ABCA9: variants seen among roughly 807,000 people sequenced by gnomAD.
The protein encoded by ABCA9 is ATP-binding cassette sub-family A member 9.
Under a neutral mutation model 205.3 loss-of-function variants are expected in ABCA9, and 183 were observed. The ratio of observed to expected loss-of-function variants is 0.89; its 90% CI spans 0.79 to 1.01. The LOEUF is 1.01. Ranked by LOEUF, ABCA9 falls within the 50% of genes least tolerant of loss-of-function variation. The pLI is 0.00. For synonymous variants in ABCA9, 651 were observed against 683.3 expected, an observed-to-expected ratio of 0.95 and a Z score of 0.74; for missense variants, 1,805 against 1,912.4, an observed-to-expected ratio of 0.94 and a Z score of 1.05.
chr17:69,013,316 TATG>T (rs1234790207), intron 22 of ABCA9, among the ~76,000 whole-genome samples: 2 of 152,152 alleles, frequency 1.3e-5, no homozygotes, highest in African/African-American at 2.4e-5. Context: ...AGTCATCTGG[TATG>T]ATGAGTTTTG....
Position 69,029,283 on chromosome 17 carries a change from T to C in ABCA9, c.1446-56A>G, listed in dbSNP as rs2071088207. 3.5e-6 allele frequency: 4 copies of C among 1,134,806 alleles called. No individual in the cohort carries two copies. The Admixed American group carries it at 7.1e-5, about 20-fold the overall frequency. 70.3% of individuals were successfully genotyped at this position (1,134,806 alleles called of 1,614,324 possible). On this transcript the variant is annotated intron_variant, in intron 10 of 38. Transcript: ENST00000340001. Reference sequence around the variant, plus strand: ...ATTGTAAAAATGTGCAGAGGATTGATAAGTCAAGTCTTTGAGGCTTAATCA... The same window carrying C: ...ATTGTAAAAATGTGCAGAGGATTGACAAGTCAAGTCTTTGAGGCTTAATCA...
At chr17:69,012,800 C>T (rs2070430013) in intron 22 of ABCA9, among the ~76,000 whole-genome samples, 2 of 151,948 alleles carry the variant, frequency 1.3e-5, no homozygotes, top group East Asian at 3.9e-4. Flanking sequence ...CTAGAGTCAC[C>T]CTGTTGTGCT....
rs1393798267 is a variant in ABCA9 at position 68,976,180 on chromosome 17, A to G, written c.4731T>C (p.Ser1577=). Residue 1577 remains serine (S), a synonymous_variant, in exon 38 of 39, where the codon AGT becomes AGC. Coordinates refer to ENST00000340001, the MANE Select transcript of ABCA9 (RefSeq NM_080283.4). ...AFFKLEIVKQ[S]FDLEEYSLSQ... ...AGAGGCTGTACTCCTCCAGGTCGAA[A>G]CTCTGTTTAACTGCATAAGAATGAG... 2 of 1,613,872 alleles carry G rather than the reference A, an allele frequency of 1.2e-6. No individual in the cohort carries two copies. The highest frequency in any genetic ancestry group is 2.2e-5 in the South Asian group (2 of 91,036).
Position 68,990,837 on chromosome 17 carries a change from C to G in ABCA9, c.3837G>C (p.Glu1279Asp), listed in dbSNP as rs576565979. 1 of 1,609,600 alleles carries G rather than the reference C, an allele frequency of 6.2e-7. No individual in the cohort carries two copies. Among genetic ancestry groups the G allele is most frequent in the Non-Finnish European group, 8.5e-7 (1 of 1,178,990 alleles). ...VNAMAVRDFD[E>D]TPVIIASCLR... ...GACGAAGAACATTTCTGAGTTCTACCTCATCAAAGTCTCGCACAGCCATAG... is the reference window on the plus strand; with the variant it reads ...GACGAAGAACATTTCTGAGTTCTACGTCATCAAAGTCTCGCACAGCCATAG... Residue 1279 changes from glutamate (E) to aspartate (D), a missense_variant and splice_region_variant, in exon 29 of 39, where the codon GAG becomes GAC. Physicochemically the swap from Glu to Asp is conservative, Grantham distance 45 (BLOSUM62 2). Transcript: ENST00000340001.
intron 25 of ABCA9, among the ~76,000 whole-genome samples, chr17:68,999,018 C>T (rs2069734930): frequency 6.6e-6 from 1 of 151,946 alleles, no homozygotes; most frequent in Non-Finnish European, 1.5e-5. Context: ...TTATCTTGGA[C>T]ATGTATAACA....
Position 69,049,946 on chromosome 17 carries a change from AC to A in ABCA9, c.97-457del, listed in dbSNP as rs202059287. On this transcript the variant is annotated intron_variant, in intron 2 of 38. Transcript: ENST00000340001. ...GTCCCAAAATGTTGCTCATAAAAAAACAAAGTTTTTTTGAATGTGGTCATCG... is the reference window on the plus strand; with the variant it reads ...GTCCCAAAATGTTGCTCATAAAAAAAAAAGTTTTTTTGAATGTGGTCATCG... Among the ~76,000 whole-genome samples the A allele has an allele frequency of 8.8e-3, 1,335 of 152,214 alleles. 27 individuals are homozygous for A. The highest frequency in any genetic ancestry group is 0.031 in the African/African-American group (1,279 of 41,552).
At chr17:69,038,688 T>C (rs1598401755) in intron 6 of ABCA9, among the ~76,000 whole-genome samples, 1 of 152,230 alleles carries the variant, frequency 6.6e-6, no homozygotes, top group South Asian at 2.1e-4. Flanking sequence ...ACCACTCCTA[T>C]TCAACATAGT....
Position 69,044,502 on chromosome 17 carries a change from T to C in ABCA9, c.568A>G (p.Ile190Val), listed in dbSNP as rs756332873. The change falls in exon 5 of 39, where the codon ATA becomes GTA. Residue 190 changes from isoleucine (I) to valine (V), a missense_variant. By Grantham distance (29) the Ile-to-Val change is conservative (BLOSUM62 3). Transcript: ENST00000340001. ...AFQAAINAAI[I>V]EIATNHSVME... ...TCCTTTAACTTTATACTCACTTCTA[T>C]GATAGCAGCATTAATGGCAGCTTGA... The C allele has an allele frequency of 5.0e-6, 8 of 1,612,676 alleles. No individual in the cohort carries two copies. The highest frequency in any genetic ancestry group is 2.2e-5 in the East Asian group (1 of 44,778).
chr17:69,048,006 C>T (rs1269158114), intron 3 of ABCA9, among the ~76,000 whole-genome samples: 2 of 152,126 alleles, frequency 1.3e-5, no homozygotes, highest in Non-Finnish European at 2.9e-5. Flanking sequence ...ACAATCATGG[C>T]AGATGGGGAA....
At chr17:69,013,211 T>C (rs933741948) in intron 22 of ABCA9, among the ~76,000 whole-genome samples, 1 of 152,170 alleles carries the variant, frequency 6.6e-6, no homozygotes, top group South Asian at 2.1e-4. Context: ...GATATACTTA[T>C]TTCCTTTTGT....
intron 1 of ABCA9, chr17:69,051,498 G>T: frequency 8.8e-6 from 2 of 226,802 alleles, no homozygotes; most frequent in Non-Finnish European, 8.7e-6. Flanking sequence ...CAGTCACATG[G>T]GTGATTCATT....
intron 21 of ABCA9, 92 bp from the exon 22 acceptor site, chr17:69,016,482 T>A (rs1238461742): frequency 8.4e-7 from 1 of 1,183,828 alleles, no homozygotes; most frequent in South Asian, 1.7e-5. Flanking sequence ...AAGTTACTGA[T>A]AATATAATAA....
chr17:69,051,108 T>C lies in ABCA9; in HGVS notation c.19A>G (p.Ser7Gly). The change falls in exon 2 of 39, where the codon AGC becomes GGC. Residue 7 changes from serine to glycine, a missense_variant. By Grantham distance (56) the Ser-to-Gly change is moderately conservative. Coordinates refer to ENST00000340001, the MANE Select transcript of ABCA9 (RefSeq NM_080283.4). MSKRRM[S>G]VGQQTWALLC... is the part of the protein sequence containing the mutation. The stretch of plus-strand genomic sequence containing the variant: ...AGAGCCCATGTTTGCTGACCCACGC[T>C]CATGCGTCTCTTGCTCATTTTGACC... 6.2e-7 allele frequency: 1 copy of C among 1,613,672 alleles called. No homozygotes were observed. Among genetic ancestry groups the C allele is most frequent in the Non-Finnish European group, 8.5e-7 (1 of 1,179,786 alleles).
chr17:69,049,589 C>A, intron 2 of ABCA9, 99 bp from the exon 3 acceptor site: 1 of 984,690 alleles, frequency 1.0e-6, no homozygotes, highest in Non-Finnish European at 1.4e-6. Context: ...TGTTATTTGG[C>A]TTGCATTCCA....
chr17:69,014,295 C>T (rs1162504164), intron 22 of ABCA9, among the ~76,000 whole-genome samples: 1 of 152,136 alleles, frequency 6.6e-6, no homozygotes, highest in Non-Finnish European at 1.5e-5. Flanking sequence ...AGGCACACAA[C>T]ACAGAGTTTA....
chr17:69,059,215 A>C (rs1239868524), intron 1 of ABCA9, among the ~76,000 whole-genome samples: 1 of 152,220 alleles, frequency 6.6e-6, no homozygotes, highest in Admixed American at 6.5e-5. Context: ...TGTGATTGGC[A>C]GAATAATGGT....
intron 26 of ABCA9, 108 bp from the exon 27 acceptor site, chr17:68,993,192 G>A (rs1382164275): frequency 3.3e-5 from 28 of 838,436 alleles, no homozygotes; most frequent in Non-Finnish European, 4.1e-5. Flanking sequence ...ACAACCATTC[G>A]ACCTGATGCT....
rs1166424481 is a variant in ABCA9, at chr17:68,992,274, AAAAG to A, written c.3625-12_3625-9del. On this transcript the variant is annotated splice_polypyrimidine_tract_variant and intron_variant, in intron 27 of 38. Transcript: ENST00000340001. ...GAGAAAATGAAGGTAAGGCTAGGGA[AAAAG>A]AAAGACAATCACAATTAGTATCACT... is the stretch of plus-strand genomic sequence containing the variant. 1.3e-6 allele frequency: 2 copies of A among 1,532,330 alleles called. No homozygotes were observed. The highest frequency in any genetic ancestry group is 1.8e-6 in the Non-Finnish European group (2 of 1,122,630). 94.9% of individuals were successfully genotyped at this position (1,532,330 alleles called of 1,614,324 possible).
At chr17:68,984,777 C>G in intron 34 of ABCA9, 108 bp downstream of exon 34, 1 of 1,421,416 alleles carries the variant, frequency 7.0e-7, no homozygotes, top group Non-Finnish European at 9.6e-7. Context: ...TAAAATATTG[C>G]TTTTCCTGAT....
Sources: allele counts gnomAD v4.1 joint callset (sites outside exome capture counted in the v4.1 genomes callset), GRCh38; gene constraint gnomAD v4.1.1; transcripts MANE v1.5; gene names NCBI Gene and HGNC (gene_info 2026-07-23, HGNC 2026-07-21).